Variants in DOCK7 observed in about 807,000 individuals in gnomAD.
DOCK7 encodes dedicator of cytokinesis protein 7.
Under a neutral mutation model 271.0 loss-of-function variants are expected in DOCK7, and 138 were observed. The ratio of observed to expected loss-of-function variants is 0.51; its 90% CI spans 0.44 to 0.59. The LOEUF is 0.59. Among genes scored for constraint, DOCK7 ranks in the 20% least tolerant of loss-of-function variants. The pLI, the probability that DOCK7 is intolerant of heterozygous loss-of-function variation, is 0.00. For missense variants in DOCK7, 2,066 were observed against 2,592.4 expected, an observed-to-expected ratio of 0.80 and a Z score of 4.41; for synonymous variants, 823 against 876.1, an observed-to-expected ratio of 0.94 and a Z score of 1.07.
chr1:62,475,267 C>A lies in DOCK7; in HGVS notation c.6046G>T (p.Ala2016Ser), dbSNP rs770818622. 1 of 1,613,968 alleles carries A rather than the reference C, an allele frequency of 6.2e-7. No individual in the cohort carries two copies. Among genetic ancestry groups the A allele is most frequent in the Non-Finnish European group, 8.5e-7 (1 of 1,179,914 alleles). ...ELAFATHQDPADPKMLQMVLQ... is the reference protein window; with the variant it reads ...ELAFATHQDPSDPKMLQMVLQ... ...ACCATCTGAAGCATTTTGGGGTCTG[C>A]GGGATCCTGATGTGTTGCAAATGCC... Residue 2016 changes from alanine to serine, a missense_variant, in exon 47 of 50, where the codon GCA (alanine) becomes TCA (serine). This residue lies in a region of DOCK7 where 652 missense variants were observed against 922.1 expected (regional missense o/e 0.71). Coordinates refer to ENST00000635253, the MANE Select transcript of DOCK7 (RefSeq NM_001367561.1).
chr1:62,665,779 A>C lies in DOCK7; in HGVS notation c.39-2649T>G, dbSNP rs114607858. ...CTTTCTACCTCCCTCATTGCTACTC[A>C]CCTCACTCTACCAATCTCAGCACTA... On this transcript the variant is annotated intron_variant, in intron 1 of 49. Coordinates refer to ENST00000635253, the MANE Select transcript of DOCK7 (RefSeq NM_001367561.1). Among the ~76,000 whole-genome samples, 834 of 149,238 alleles carry C rather than the reference A, an allele frequency of 5.6e-3. 10 individuals carry two copies. Among genetic ancestry groups the C allele is most frequent in the African/African-American group, 0.02 (797 of 40,616 alleles).
Position 62,508,182 on chromosome 1 carries a change from A to G in DOCK7, c.4380-124T>C, listed in dbSNP as rs1390363413. The G allele has an allele frequency of 1.1e-5, 10 of 870,056 alleles. No individual in the cohort carries two copies. In the Admixed American group the frequency reaches 3.5e-4, roughly 31 times the overall value. 53.9% of individuals were successfully genotyped at this position (870,056 alleles called of 1,614,324 possible). On this transcript the variant is annotated intron_variant, in intron 34 of 49. Coordinates refer to ENST00000635253, the MANE Select transcript of DOCK7 (RefSeq NM_001367561.1). Reference sequence around the variant, plus strand: ...TTCAATATTTGCCTGATAAAAAATTACAAGAGAATAAGAAAAAAGGCAGTA... The same window carrying G: ...TTCAATATTTGCCTGATAAAAAATTGCAAGAGAATAAGAAAAAAGGCAGTA...
intron 14 of DOCK7, chr1:62,605,702 C>T (rs996581503): frequency 1.2e-4 from 18 of 152,202 alleles, no homozygotes; most frequent in African/African-American, 3.4e-4. Flanking sequence ...AAATAAACCT[C>T]GTAACAAGTT....
chr1:62,682,336 T>C (rs1661262802), intron 1 of DOCK7, among the ~76,000 whole-genome samples: 1 of 152,206 alleles, frequency 6.6e-6, no homozygotes, highest in Admixed American at 6.5e-5. Flanking sequence ...CTAGATCAGC[T>C]AGTAGCTTTC....
At chr1:62,682,659 G>A (rs1480543333) in intron 1 of DOCK7, among the ~76,000 whole-genome samples, 1 of 152,208 alleles carries the variant, frequency 6.6e-6, no homozygotes, top group African/African-American at 2.4e-5. Context: ...CAACTATATA[G>A]CCCAAGGATT....
chr1:62,487,358 C>A, intron 43 of DOCK7, 40 bp downstream of exon 43: 1 of 1,590,208 alleles, frequency 6.3e-7, no homozygotes, highest in South Asian at 1.1e-5. Context: ...CTGATAAAAT[C>A]AATCTATTAG....
chr1:62,509,414 A>G (rs994203058), intron 34 of DOCK7, among the ~76,000 whole-genome samples: 2 of 152,154 alleles, frequency 1.3e-5, no homozygotes, highest in Non-Finnish European at 2.9e-5. Context: ...ATAAAGAAAC[A>G]TAAGATGGTT....
intron 34 of DOCK7, among the ~76,000 whole-genome samples, chr1:62,509,030 T>C (rs1281226275): frequency 6.6e-6 from 1 of 152,138 alleles, no homozygotes; most frequent in Non-Finnish European, 1.5e-5. Flanking sequence ...CTAAAGAGAA[T>C]ACTTCATTAA....
intron 14 of DOCK7, among the ~76,000 whole-genome samples, chr1:62,612,952 G>T (rs1571769707): frequency 6.6e-6 from 1 of 152,186 alleles, no homozygotes; most frequent in African/African-American, 2.4e-5. Context: ...CATGTGTTCT[G>T]TGGACATACC....
intron 15 of DOCK7, among the ~76,000 whole-genome samples, chr1:62,585,867 C>T (rs1320027532): frequency 2.0e-5 from 3 of 152,110 alleles, no homozygotes; most frequent in Admixed American, 6.5e-5. Context: ...AATGTAATCC[C>T]TGGTGAGACT....
chr1:62,571,914 T>G (rs917114322), intron 18 of DOCK7, among the ~76,000 whole-genome samples: 1 of 151,688 alleles, frequency 6.6e-6, no homozygotes, highest in South Asian at 2.1e-4. Flanking sequence ...GGGGGGAGTG[T>G]GGGGAAGGGA....
chr1:62,634,779 T>G lies in DOCK7; in HGVS notation c.1029A>C (p.Val343=). The G allele has an allele frequency of 1.2e-6, 2 of 1,611,758 alleles. No individual in the cohort carries two copies. Among genetic ancestry groups the G allele is most frequent in the Non-Finnish European group, 1.7e-6 (2 of 1,178,736 alleles). ...TATTTAACATTATTCTCACCTTTATTACAAGAAAAACATCTTGGGAAGGAT... is the reference window on the plus strand; with the variant it reads ...TATTTAACATTATTCTCACCTTTATGACAAGAAAAACATCTTGGGAAGGAT... The part of the protein sequence containing the change: ...ITYPSQDVFL[V]IKLEKVLQQG... The change falls in exon 9 of 50, where the codon GTA becomes GTC. Residue 343 remains valine, a synonymous_variant. Coordinates refer to ENST00000635253, the MANE Select transcript of DOCK7 (RefSeq NM_001367561.1).
chr1:62,593,463 G>A (rs1321388598), intron 14 of DOCK7, among the ~76,000 whole-genome samples: 1 of 152,006 alleles, frequency 6.6e-6, no homozygotes, highest in Non-Finnish European at 1.5e-5. Flanking sequence ...CCAGATACTC[G>A]GGAAGCTGAG....
chr1:62,680,578 C>G (rs4459145), intron 1 of DOCK7, among the ~76,000 whole-genome samples: 1 of 151,340 alleles, frequency 6.6e-6, no homozygotes, highest in Non-Finnish European at 1.5e-5. Flanking sequence ...CAGCAAAAGA[C>G]ACTACCATCA....
In DOCK7 at chr1:62,582,367, G is replaced by A. The variant is rs1174519392; in HGVS notation, c.1871+817C>T. Reference sequence around the variant, plus strand: ...AGATCGAGACCATCCCGGCTAAAACGGTGAAAACCCGTCTCTACTAAAAAT... The same window carrying A: ...AGATCGAGACCATCCCGGCTAAAACAGTGAAAACCCGTCTCTACTAAAAAT... On this transcript the variant is annotated intron_variant, in intron 16 of 49. Coordinates refer to ENST00000635253, the MANE Select transcript of DOCK7 (RefSeq NM_001367561.1). Among the ~76,000 whole-genome samples the A allele has an allele frequency of 4.0e-5, 6 of 150,802 alleles. No individual in the cohort carries two copies. The South Asian group carries it at 1.3e-3, about 32-fold the overall frequency.
chr1:62,478,847 G>A (rs1486695594), intron 43 of DOCK7: 2 of 152,058 alleles, frequency 1.3e-5, no homozygotes, highest in African/African-American at 2.4e-5. Flanking sequence ...CCACCCATTG[G>A]CATGCATTAA....
rs551588876 is a variant in DOCK7, at chr1:62,568,413, G to C, written c.2113-6710C>G. ...CCTCCTAGGTTCAAGTGATTCTCCTGCCTCAGTCTCCTGAGTAGCTGGCAT... is the reference window on the plus strand; with the variant it reads ...CCTCCTAGGTTCAAGTGATTCTCCTCCCTCAGTCTCCTGAGTAGCTGGCAT... On this transcript the variant is annotated intron_variant, in intron 18 of 49. Coordinates refer to ENST00000635253, the MANE Select transcript of DOCK7 (RefSeq NM_001367561.1). Among the ~76,000 whole-genome samples the C allele has an allele frequency of 2.0e-3, 305 of 150,496 alleles. 2 individuals carry two copies. The highest frequency in any genetic ancestry group is 7.1e-3 in the African/African-American group (291 of 40,910).
intron 2 of DOCK7, among the ~76,000 whole-genome samples, chr1:62,656,764 A>G (rs763403294): frequency 8.2e-6 from 1 of 122,276 alleles, no homozygotes; most frequent in Non-Finnish European, 1.7e-5. Context: ...AAAGCCCACA[A>G]CCCAGAATAC....
chr1:62,525,495 G>A (rs370695910), intron 31 of DOCK7, among the ~76,000 whole-genome samples: 111 of 152,158 alleles, frequency 7.3e-4, no homozygotes, highest in African/African-American at 2.5e-3. Flanking sequence ...ACCTCATTAT[G>A]TTTTATGTAC....
Sources: gnomAD v4.1 joint callset for allele counts (sites outside exome capture counted in the v4.1 genomes callset) on GRCh38, gnomAD v4.1.1 for gene constraint, gnomAD v4.1.1 regional missense constraint, MANE v1.5 for transcripts, NCBI Gene and HGNC (gene_info 2026-07-23, HGNC 2026-07-21) for gene names.